PCDHA4: variants seen among roughly 807,000 people sequenced by gnomAD.
The protein encoded by PCDHA4 is protocadherin alpha 4.
A neutral mutation model predicts 61.4 loss-of-function variants in PCDHA4; 49 were observed. The observed-to-expected ratio is 0.80, with a 90% CI of 0.63 to 1.01. The LOEUF (loss-of-function observed/expected upper bound fraction) is 1.01. Among genes scored for constraint, PCDHA4 ranks in the 50% least tolerant of loss-of-function variants. The probability of loss-of-function intolerance (pLI) is 0.00; values close to 1 mark genes in which losing one functional copy is unlikely to be tolerated. For missense variants in PCDHA4, 1,254 were observed against 1,235.8 expected, an observed-to-expected ratio of 1.01 and a Z score of -0.22; for synonymous variants, 590 against 550.3, an observed-to-expected ratio of 1.07 and a Z score of -1.01.
Position 140,829,328 on chromosome 5 carries a change from C to G in PCDHA4, c.2385+19756C>G, listed in dbSNP as rs2150165969. 2.5e-6 allele frequency: 4 copies of G among 1,614,244 alleles called. No individual in the cohort carries two copies. In the Admixed American group the frequency reaches 6.7e-5, roughly 27 times the overall value. ...CTACTCGTTGGTGCTGGACAGTGCC[C>G]TGGACCGCGAGAGCGTGTCGGCCTA... On this transcript the variant is annotated intron_variant, in intron 1 of 3. Coordinates refer to ENST00000530339, the MANE Select transcript of PCDHA4 (RefSeq NM_018907.4).
Position 140,807,333 on chromosome 5 carries a change from C to G in PCDHA4, c.146C>G (p.Ala49Gly), listed in dbSNP as rs1286013089. 1 of 1,613,466 alleles carries G rather than the reference C, an allele frequency of 6.2e-7. No homozygotes were observed. Among genetic ancestry groups the G allele is most frequent in the African/African-American group, 1.3e-5 (1 of 74,792 alleles). ...AKHGTFVGRI[A>G]QDLGLELAEL... ...CACGGCACCTTCGTGGGCCGCATCG[C>G]GCAGGACCTGGGACTGGAGCTGGCG... The change falls in exon 1 of 4, where the codon GCG becomes GGG. Residue 49 changes from alanine (A) to glycine (G), a missense_variant. Transcript: ENST00000530339.
At chr5:140,858,053 G>C (rs1233644213) in intron 1 of PCDHA4, 5 of 1,597,600 alleles carry the variant, frequency 3.1e-6, no homozygotes, top group Non-Finnish European at 4.3e-6. Flanking sequence ...TGTGTCGCTT[G>C]TGGAGGGCAG....
intron 1 of PCDHA4, among the ~76,000 whole-genome samples, chr5:140,818,626 C>T (rs1235638442): frequency 6.6e-6 from 1 of 152,076 alleles, no homozygotes; most frequent in African/African-American, 2.4e-5. Context: ...TGCTTGAGCC[C>T]AGGAGTTCAA....
chr5:140,843,036 G>A (rs2150350746), intron 1 of PCDHA4: 3 of 1,595,194 alleles, frequency 1.9e-6, no homozygotes, highest in Middle Eastern at 1.7e-4. Context: ...CGGGTGGGTG[G>A]CACTGGTGGC....
intron 1 of PCDHA4, chr5:140,968,416 G>A: frequency 1.2e-6 from 2 of 1,613,992 alleles, no homozygotes; most frequent in Non-Finnish European, 1.7e-6. Context: ...TGACTGTGGA[G>A]GCTCAGGACA....
chr5:140,937,728 C>T (rs1180728000), intron 1 of PCDHA4, among the ~76,000 whole-genome samples: 4 of 151,954 alleles, frequency 2.6e-5, no homozygotes, highest in African/African-American at 7.2e-5. Flanking sequence ...CTGGCTAACA[C>T]GGTGAAACCC....
intron 3 of PCDHA4, among the ~76,000 whole-genome samples, chr5:140,990,715 A>T (rs927680875): frequency 1.3e-5 from 2 of 152,194 alleles, no homozygotes; most frequent in Admixed American, 6.5e-5. Flanking sequence ...GGATAAGAGC[A>T]TCACTAGGTA....
At chr5:140,875,501 G>A (rs1457273881) in intron 1 of PCDHA4, 2 of 1,613,368 alleles carry the variant, frequency 1.2e-6, no homozygotes, top group Non-Finnish European at 1.7e-6. Context: ...AGAGGCCCGG[G>A]ATCCCAGCGT....
intron 3 of PCDHA4, among the ~76,000 whole-genome samples, chr5:140,999,135 C>T (rs2097848218): frequency 6.6e-6 from 1 of 152,180 alleles, no homozygotes; most frequent in Non-Finnish European, 1.5e-5. Context: ...GAAAATGTCA[C>T]AGCCGGAAGT....
chr5:140,833,414 G>A (rs1408450757), intron 1 of PCDHA4, among the ~76,000 whole-genome samples: 1 of 152,196 alleles, frequency 6.6e-6, no homozygotes, highest in Non-Finnish European at 1.5e-5. Flanking sequence ...AAGGGCTGCT[G>A]TATGTGAGAT....
Position 141,011,530 on chromosome 5 carries a change from T to A in PCDHA4, c.*1593T>A, listed in dbSNP as rs1427621980. 1 of 153,810 alleles carries A rather than the reference T, an allele frequency of 6.5e-6. No individual in the cohort carries two copies. The highest frequency in any genetic ancestry group is 1.5e-5 in the Non-Finnish European group (1 of 68,042). The allele number at this position is 153,810 out of a possible 1,614,324, so 9.5% of individuals were successfully genotyped here. A position where few individuals can be genotyped will look rare whatever the true frequency, so the allele number is the denominator to read the frequency against. On this transcript the variant is annotated 3_prime_UTR_variant, in exon 4 of 4. Coordinates refer to ENST00000530339, the MANE Select transcript of PCDHA4 (RefSeq NM_018907.4). ...TGGAGTAGTGTTTTTTTAACCATTG[T>A]TAATCAGCTTTTGTGTATGAAAGAC...
At chr5:140,835,920 G>C (rs2150248409) in intron 1 of PCDHA4, 2 of 1,612,396 alleles carry the variant, frequency 1.2e-6, no homozygotes, top group Non-Finnish European at 1.7e-6. Flanking sequence ...AGTGCACGCG[G>C]AGAGCGGCAA....
rs1554125207 is a variant in PCDHA4, at chr5:140,809,430, G to A, written c.2243G>A (p.Trp748Ter). The A allele has an allele frequency of 6.2e-7, 1 of 1,614,214 alleles. No individual in the cohort carries two copies. ...GTGTGCTCCAGTGCGGTGGGGAGCT[G>A]GTCATACTCGCAGCAGAGGAGGCCG... ...TLVCSSAVGSWSYSQQRRPRV... is the reference protein window; with the variant it reads ...TLVCSSAVGS The change falls in exon 1 of 4, where the codon TGG becomes TAG. Residue 748 changes from tryptophan (W) to a stop codon, truncating the protein, a stop_gained. Transcript: ENST00000530339. LOFTEE classifies it high-confidence loss of function.
At position 140,932,218 on chromosome 5, in the gene PCDHA4, T is replaced by G. The variant is rs556134668; in HGVS notation, c.2386-46731T>G. ...TCTGTTAATATTCTTGATGGGCAATTTAAATTTTTTAGAATGGTATCTAAG... is the reference window on the plus strand; with the variant it reads ...TCTGTTAATATTCTTGATGGGCAATGTAAATTTTTTAGAATGGTATCTAAG... On this transcript the variant is annotated intron_variant, in intron 1 of 3. Coordinates refer to ENST00000530339, the MANE Select transcript of PCDHA4 (RefSeq NM_018907.4). Among the ~76,000 whole-genome samples, 20 of 152,034 alleles carry G rather than the reference T, an allele frequency of 1.3e-4. 1 individual carries two copies. Among genetic ancestry groups the G allele is most frequent in the Middle Eastern group, 3.4e-3 (1 of 292 alleles).
chr5:140,828,150 T>C, intron 1 of PCDHA4: 1 of 1,614,088 alleles, frequency 6.2e-7, no homozygotes, highest in Non-Finnish European at 8.5e-7. Flanking sequence ...CCGCTTCTGC[T>C]CCTCGCAGCC....
At chr5:140,919,406 T>C (rs1325443914) in intron 1 of PCDHA4, among the ~76,000 whole-genome samples, 1 of 152,254 alleles carries the variant, frequency 6.6e-6, no homozygotes, top group East Asian at 1.9e-4. Flanking sequence ...CTAAAAACTC[T>C]AGACTGACAA....
At position 140,809,434 on chromosome 5, in the gene PCDHA4, A is replaced by T; in HGVS notation, c.2247A>T (p.Ser749=). ...GCTCCAGTGCGGTGGGGAGCTGGTC[A>T]TACTCGCAGCAGAGGAGGCCGAGGG... is the stretch of plus-strand genomic sequence containing the variant. ...LVCSSAVGSW[S]YSQQRRPRVC... Residue 749 remains serine, a synonymous_variant, in exon 1 of 4, where the codon TCA becomes TCT. Transcript: ENST00000530339. 2 of 1,614,242 alleles carry T rather than the reference A, an allele frequency of 1.2e-6. No individual in the cohort carries two copies. Among genetic ancestry groups the T allele is most frequent in the South Asian group, 2.2e-5 (2 of 91,088 alleles).
At chr5:140,966,416 A>T in intron 1 of PCDHA4, 1 of 419,730 alleles carries the variant, frequency 2.4e-6, no homozygotes, top group Non-Finnish European at 4.1e-6. Context: ...TCAGAGCAGG[A>T]CTTGCTGAGC....
intron 1 of PCDHA4, among the ~76,000 whole-genome samples, chr5:140,898,839 A>C (rs2066999324): frequency 6.6e-6 from 1 of 152,280 alleles, no homozygotes; most frequent in East Asian, 1.9e-4. Flanking sequence ...ATGTTCTTCC[A>C]TTTCTTTGTA....
Sources: allele counts gnomAD v4.1 joint callset (sites outside exome capture counted in the v4.1 genomes callset), GRCh38; gene constraint gnomAD v4.1.1; transcripts MANE v1.5; gene names NCBI Gene and HGNC (gene_info 2026-07-23, HGNC 2026-07-21).